The following CRACD variants were observed in gnomAD, a reference collection of about 807,000 sequenced individuals.
CRACD encodes capping protein-inhibiting regulator of actin dynamics.
A neutral mutation model predicts 106.8 loss-of-function variants in CRACD; 56 were observed. The observed-to-expected ratio is 0.52, with a 90% CI of 0.42 to 0.66. The LOEUF is 0.66. Ranked by LOEUF, CRACD falls within the 30% of genes least tolerant of loss-of-function variation. CRACD has a pLI of 0.00. For synonymous variants in CRACD, 754 were observed against 670.8 expected, an observed-to-expected ratio of 1.12 and a Z score of -1.92; for missense variants, 1,730 against 1,623.2, an observed-to-expected ratio of 1.07 and a Z score of -1.13.
At chr4:56,137,905 C>A (rs61162453) in intron 1 of CRACD, among the ~76,000 whole-genome samples, 3 of 152,176 alleles carry the variant, frequency 2.0e-5, no homozygotes, top group Non-Finnish European at 4.4e-5. Context: ...ATTTCAGATA[C>A]TCTGATTTTC....
chr4:56,141,462 T>G (rs1193088274), intron 1 of CRACD, among the ~76,000 whole-genome samples: 1 of 152,024 alleles, frequency 6.6e-6, no homozygotes, highest in Non-Finnish European at 1.5e-5. Context: ...CTGGGTGTGG[T>G]GGCTCACACT....
At chr4:56,294,772 G>T (rs1472799706) in intron 3 of CRACD, among the ~76,000 whole-genome samples, 1 of 151,854 alleles carries the variant, frequency 6.6e-6, no homozygotes, top group Non-Finnish European at 1.5e-5. Flanking sequence ...AAATTAACCA[G>T]GCGTGGTGGT....
chr4:56,279,463 C>A (rs896868106), intron 3 of CRACD, among the ~76,000 whole-genome samples: 4 of 151,992 alleles, frequency 2.6e-5, no homozygotes, highest in African/African-American at 9.7e-5. Flanking sequence ...AAAAAACAAC[C>A]CCATCAACAA....
intron 1 of CRACD, among the ~76,000 whole-genome samples, chr4:56,084,306 G>T (rs1733140591): frequency 6.6e-6 from 1 of 151,472 alleles, no homozygotes; most frequent in South Asian, 2.1e-4. Flanking sequence ...CTTCCTTCCT[G>T]CCTTCTCTTC....
intron 1 of CRACD, among the ~76,000 whole-genome samples, chr4:56,103,962 C>T (rs757480973): frequency 9.9e-5 from 15 of 152,074 alleles, no homozygotes; most frequent in Admixed American, 5.9e-4. Context: ...TTACTAGAGA[C>T]GGGGTTTCAC....
intron 1 of CRACD, among the ~76,000 whole-genome samples, chr4:56,107,244 G>A (rs762181763): frequency 5.9e-5 from 9 of 152,110 alleles, no homozygotes; most frequent in Non-Finnish European, 1.0e-4. Context: ...ACCTCCCAAA[G>A]ATTTGGGATT....
chr4:56,121,105 A>G (rs1390279983), intron 1 of CRACD, among the ~76,000 whole-genome samples: 1 of 152,154 alleles, frequency 6.6e-6, no homozygotes, highest in Non-Finnish European at 1.5e-5. Flanking sequence ...TTCATATAAC[A>G]TTACTATTTT....
intron 1 of CRACD, among the ~76,000 whole-genome samples, chr4:56,151,613 A>G (rs1735581683): frequency 6.6e-6 from 1 of 152,174 alleles, no homozygotes; most frequent in South Asian, 2.1e-4. Context: ...CATTTAATCT[A>G]CAAACCTCAT....
intron 1 of CRACD, among the ~76,000 whole-genome samples, chr4:56,118,846 A>T (rs1024081185): frequency 1.3e-5 from 2 of 152,218 alleles, no homozygotes; most frequent in African/African-American, 4.8e-5. Flanking sequence ...TAATTTCTCC[A>T]TCAAGTTCTT....
chr4:56,267,649 G>A (rs1219885620), intron 2 of CRACD, among the ~76,000 whole-genome samples: 2 of 152,040 alleles, frequency 1.3e-5, no homozygotes, highest in African/African-American at 4.8e-5. Flanking sequence ...ATTGGTTGTT[G>A]GGTGGAGAAT....
intron 4 of CRACD, among the ~76,000 whole-genome samples, chr4:56,307,074 GA>G (rs1358107988): frequency 4.6e-4 from 70 of 152,336 alleles, no homozygotes; most frequent in Non-Finnish European, 5.3e-4. Context: ...AAAGGGGCTG[GA>G]GAGTTGCACC....
intron 3 of CRACD, among the ~76,000 whole-genome samples, chr4:56,277,260 A>T (rs554013199): frequency 6.6e-6 from 1 of 152,354 alleles, no homozygotes; most frequent in African/African-American, 2.4e-5. Flanking sequence ...AGTAGCCTGA[A>T]TCCAACAACA....
At chr4:56,108,847 A>G (rs568447188) in intron 1 of CRACD, among the ~76,000 whole-genome samples, 10 of 152,358 alleles carry the variant, frequency 6.6e-5, no homozygotes, top group African/African-American at 2.4e-4. Flanking sequence ...TTCTACTTCT[A>G]TCTACTACGA....
chr4:56,270,834 C>T (rs547999689), intron 2 of CRACD, among the ~76,000 whole-genome samples: 117 of 152,142 alleles, frequency 7.7e-4, no homozygotes, highest in African/African-American at 2.7e-3. Context: ...GTAATCACAG[C>T]ACTTTGGGAG....
chr4:56,249,343 T>G (rs1413731642), intron 2 of CRACD, among the ~76,000 whole-genome samples: 9 of 147,870 alleles, frequency 6.1e-5, no homozygotes, highest in Non-Finnish European at 1.3e-4. Context: ...GAGCATTTTT[T>G]CATGTGTTTT....
At chr4:56,313,966 A>C in intron 7 of CRACD, 74 bp from the exon 8 acceptor site, 5 of 1,532,950 alleles carry the variant, frequency 3.3e-6, no homozygotes, top group Non-Finnish European at 4.4e-6. Context: ...GGTCGCTGGC[A>C]CTGTGAATAG....
chr4:56,127,871 A>G (rs1387012069), intron 1 of CRACD, among the ~76,000 whole-genome samples: 2 of 152,208 alleles, frequency 1.3e-5, no homozygotes, highest in African/African-American at 4.8e-5. Context: ...GCCTTGCTCC[A>G]GAAAGCCAGA....
intron 1 of CRACD, among the ~76,000 whole-genome samples, chr4:56,117,454 A>C (rs1454037828): frequency 6.6e-6 from 1 of 151,938 alleles, no homozygotes; most frequent in Non-Finnish European, 1.5e-5. Flanking sequence ...TCAAAATCAT[A>C]GAGACAGAAA....
intron 2 of CRACD, among the ~76,000 whole-genome samples, chr4:56,190,470 G>A (rs1478337109): frequency 6.6e-6 from 1 of 152,154 alleles, no homozygotes; most frequent in African/African-American, 2.4e-5. Context: ...TCCAGATGTG[G>A]AGAAATAAAA....
Sources: gnomAD v4.1 joint callset for allele counts (sites outside exome capture counted in the v4.1 genomes callset) on GRCh38, gnomAD v4.1.1 for gene constraint, MANE v1.5 for transcripts, NCBI Gene and HGNC (gene_info 2026-07-23, HGNC 2026-07-21) for gene names.